Variants in ROBO2 observed in about 807,000 individuals in gnomAD.
ROBO2 encodes roundabout guidance receptor 2.
Under a neutral mutation model 160.8 loss-of-function variants are expected in ROBO2, and 53 were observed. The observed-to-expected ratio is 0.33, with a 90% CI of 0.26 to 0.41. The LOEUF is 0.41. ROBO2 is among the 10% of genes least tolerant of loss of function. ROBO2 has a pLI of 1.00. For synonymous variants in ROBO2, 664 were observed against 611.7 expected (o/e 1.09, Z -1.26); for missense variants, 1,577 against 1,722.4 (o/e 0.92, Z 1.49).
intron 2 of ROBO2, among the ~76,000 whole-genome samples, chr3:77,155,000 A>G (rs1267193951): frequency 6.6e-6 from 1 of 151,948 alleles, no homozygotes; most frequent in Non-Finnish European, 1.5e-5. Context: ...ACCTGCACGT[A>G]TACTCCCTGA....
At chr3:76,677,714 GA>G (rs1332200499) in intron 2 of ROBO2, among the ~76,000 whole-genome samples, 1 of 151,694 alleles carries the variant, frequency 6.6e-6, no homozygotes, top group Non-Finnish European at 1.5e-5. Flanking sequence ...TACTAAGAAA[GA>G]AAAAAAGATT....
chr3:77,078,302 T>A (rs1049616916), intron 1 of ROBO2, among the ~76,000 whole-genome samples: 1 of 152,238 alleles, frequency 6.6e-6, no homozygotes, highest in South Asian at 2.1e-4. Flanking sequence ...TATGTTTTAG[T>A]TGACACATGT....
intron 2 of ROBO2, among the ~76,000 whole-genome samples, chr3:76,872,064 C>T (rs2072158587): frequency 6.6e-6 from 1 of 151,786 alleles, no homozygotes; most frequent in Non-Finnish European, 1.5e-5. Flanking sequence ...ATCAAGGCAC[C>T]CACTGAGAAT....
intron 2 of ROBO2, among the ~76,000 whole-genome samples, chr3:76,486,516 T>C (rs2079506678): frequency 6.6e-6 from 1 of 152,170 alleles, no homozygotes; most frequent in African/African-American, 2.4e-5. Flanking sequence ...TTGCAGGATT[T>C]CTAACAAATA....
intron 2 of ROBO2, among the ~76,000 whole-genome samples, chr3:76,744,934 A>G (rs898979079): frequency 3.3e-5 from 5 of 152,176 alleles, no homozygotes; most frequent in Non-Finnish European, 7.3e-5. Context: ...AACTTTAAAC[A>G]TGATTTATTG....
At chr3:76,838,563 A>G (rs1240541975) in intron 2 of ROBO2, among the ~76,000 whole-genome samples, 3 of 152,054 alleles carry the variant, frequency 2.0e-5, no homozygotes, top group East Asian at 3.9e-4. Flanking sequence ...TCTTATGAGC[A>G]GTCAGTCCTT....
intron 6 of ROBO2, among the ~76,000 whole-genome samples, chr3:77,524,759 C>G (rs777658237): frequency 3.3e-5 from 5 of 150,952 alleles, no homozygotes; most frequent in Non-Finnish European, 5.9e-5. Context: ...ACTTACAAAA[C>G]TAATAGAGAG....
chr3:77,245,662 G>A (rs1041075598), intron 2 of ROBO2, among the ~76,000 whole-genome samples: 1 of 152,188 alleles, frequency 6.6e-6, no homozygotes, highest in Non-Finnish European at 1.5e-5. Flanking sequence ...TGGCAAACAA[G>A]TATGGTTTCT....
At chr3:77,082,159 A>G (rs1462182826) in intron 1 of ROBO2, among the ~76,000 whole-genome samples, 1 of 152,232 alleles carries the variant, frequency 6.6e-6, no homozygotes, top group African/African-American at 2.4e-5. Flanking sequence ...ATTAGCCTGC[A>G]AAGTATAAAG....
At chr3:76,643,573 T>G (rs1049524912) in intron 2 of ROBO2, among the ~76,000 whole-genome samples, 1 of 152,192 alleles carries the variant, frequency 6.6e-6, no homozygotes, top group Non-Finnish European at 1.5e-5. Context: ...TAATGTACAT[T>G]GAAGTCTAAC....
intron 2 of ROBO2, among the ~76,000 whole-genome samples, chr3:77,020,480 T>C (rs2062560248): frequency 6.6e-6 from 1 of 152,152 alleles, no homozygotes; most frequent in Non-Finnish European, 1.5e-5. Context: ...TAAATACTAA[T>C]GAAGCCATAA....
rs193096139 is a variant in ROBO2 at position 76,777,522 on chromosome 3, A to C, written c.110-320492A>C. ...TGGCTTGGAAATGTAATGGACACTG[A>C]GAGCGAAGCATAAAACAAAATGTTT... On this transcript the variant is annotated intron_variant, in intron 2 of 26. Transcript: ENST00000487694. Among the ~76,000 whole-genome samples the C allele has an allele frequency of 3.3e-3, 494 of 151,174 alleles. 1 individual carries two copies. Among genetic ancestry groups the C allele is most frequent in the Middle Eastern group, 6.8e-3 (2 of 294 alleles).
intron 2 of ROBO2, among the ~76,000 whole-genome samples, chr3:76,015,433 T>C (rs879266405): frequency 7.2e-6 from 1 of 138,860 alleles, no homozygotes; most frequent in Admixed American, 7.9e-5. Flanking sequence ...GTTTATTCCC[T>C]AGAGATATTT....
chr3:76,775,716 T>A (rs1288876116), intron 2 of ROBO2, among the ~76,000 whole-genome samples: 1 of 147,272 alleles, frequency 6.8e-6, no homozygotes, highest in African/African-American at 2.5e-5. Flanking sequence ...TTTGACAAAA[T>A]CTATTTCATG....
chr3:77,172,400 T>C (rs2079725748), intron 2 of ROBO2, among the ~76,000 whole-genome samples: 1 of 152,226 alleles, frequency 6.6e-6, no homozygotes, highest in East Asian at 1.9e-4. Flanking sequence ...TAAATGTCTT[T>C]TCTGATTTTT....
chr3:76,789,559 G>A (rs1358165513), intron 2 of ROBO2, among the ~76,000 whole-genome samples: 1 of 151,464 alleles, frequency 6.6e-6, no homozygotes, highest in Admixed American at 6.6e-5. Context: ...ATTGTACTGC[G>A]GATGCAGTAA....
chr3:76,675,006 C>T (rs1428957173), intron 2 of ROBO2, among the ~76,000 whole-genome samples: 2 of 151,972 alleles, frequency 1.3e-5, no homozygotes, highest in Non-Finnish European at 2.9e-5. Flanking sequence ...CTTTGGAGAG[C>T]GTCATAAAAT....
chr3:76,315,148 C>T (rs1260569018), intron 2 of ROBO2, among the ~76,000 whole-genome samples: 4 of 152,170 alleles, frequency 2.6e-5, no homozygotes, highest in African/African-American at 2.4e-5. Flanking sequence ...GACTGTTGTC[C>T]ATGTCCCACC....
chr3:76,191,249 C>T (rs2107177963), intron 2 of ROBO2, among the ~76,000 whole-genome samples: 1 of 152,192 alleles, frequency 6.6e-6, no homozygotes, highest in Admixed American at 6.6e-5. Flanking sequence ...CATGTGGTGC[C>T]TACAAATATA....
Sources: gnomAD v4.1 joint callset for allele counts (sites outside exome capture counted in the v4.1 genomes callset) on GRCh38, gnomAD v4.1.1 for gene constraint, MANE v1.5 for transcripts, NCBI Gene and HGNC (gene_info 2026-07-23, HGNC 2026-07-21) for gene names.